Variants in PLEKHG1 observed in about 807,000 individuals in gnomAD.
The protein encoded by PLEKHG1 is pleckstrin homology and RhoGEF domain containing G1.
A neutral mutation model predicts 100.8 loss-of-function variants in PLEKHG1; 44 were observed. That is an observed-to-expected ratio of 0.44 (90% CI 0.34 to 0.56). The LOEUF (loss-of-function observed/expected upper bound fraction) is 0.56, where lower values mean the gene tolerates loss of function less well. Ranked by LOEUF, PLEKHG1 falls within the 20% of genes least tolerant of loss-of-function variation. The pLI is 0.01. For missense variants in PLEKHG1, 1,545 were observed against 1,720.9 expected (o/e 0.90, Z 1.81); for synonymous variants, 640 against 662.5 (o/e 0.97, Z 0.52).
intron 3 of PLEKHG1, among the ~76,000 whole-genome samples, chr6:150,697,743 T>G (rs1345502703): frequency 6.6e-6 from 1 of 152,202 alleles, no homozygotes. Flanking sequence ...GACAGTCCCA[T>G]GCTGTGCAAA....
intron 2 of PLEKHG1, among the ~76,000 whole-genome samples, chr6:150,762,542 C>G (rs756532214): frequency 4.6e-5 from 7 of 152,044 alleles, no homozygotes; most frequent in Non-Finnish European, 8.8e-5. Context: ...CCTTCCTTCC[C>G]CCTGCCCAAA....
At chr6:150,640,578 C>T (rs1217007618) in intron 2 of PLEKHG1, among the ~76,000 whole-genome samples, 1 of 152,172 alleles carries the variant, frequency 6.6e-6, no homozygotes, top group Non-Finnish European at 1.5e-5. Context: ...ATCATCCGGA[C>T]TCTCCCACGC....
chr6:150,823,470 G>C (rs1456245748), intron 13 of PLEKHG1, among the ~76,000 whole-genome samples, 184 bp from the exon 15 acceptor site: 2 of 152,184 alleles, frequency 1.3e-5, no homozygotes, highest in Non-Finnish European at 2.9e-5. Context: ...GTTTGATGTA[G>C]TGTGGGGGTA....
chr6:150,679,800 T>G (rs1031139898), intron 3 of PLEKHG1, among the ~76,000 whole-genome samples: 5 of 152,168 alleles, frequency 3.3e-5, no homozygotes, highest in African/African-American at 1.2e-4. Flanking sequence ...TCATTGTAAT[T>G]ATAAATGCCA....
intron 1 of PLEKHG1, among the ~76,000 whole-genome samples, chr6:150,637,145 CTA>C (rs1380187937): frequency 6.6e-6 from 1 of 152,204 alleles, no homozygotes; most frequent in African/African-American, 2.4e-5. Context: ...TATAGCCAAA[CTA>C]TGAATATGTT....
intron 3 of PLEKHG1, among the ~76,000 whole-genome samples, chr6:150,695,838 A>T (rs1780522781): frequency 1.3e-5 from 2 of 152,218 alleles, no homozygotes; most frequent in Admixed American, 1.3e-4. Flanking sequence ...TCTTGTAACA[A>T]GATGGGCCCT....
chr6:150,697,831 T>C (rs1011766638), intron 3 of PLEKHG1, among the ~76,000 whole-genome samples: 7 of 152,230 alleles, frequency 4.6e-5, no homozygotes, highest in Admixed American at 4.6e-4. Flanking sequence ...CCCACATCAC[T>C]ACCTGCTTAA....
chr6:150,726,584 CT>C (rs1179837445), intron 1 of PLEKHG1, among the ~76,000 whole-genome samples: 1 of 152,136 alleles, frequency 6.6e-6, no homozygotes, highest in African/African-American at 2.4e-5. Flanking sequence ...ATTGTAGTAC[CT>C]TGTTTAAAAC....
chr6:150,693,379 C>T (rs1438980771), intron 3 of PLEKHG1, among the ~76,000 whole-genome samples: 1 of 152,208 alleles, frequency 6.6e-6, no homozygotes, highest in Non-Finnish European at 1.5e-5. Context: ...CTTTTGGCTT[C>T]TCTCTCTGAT....
chr6:150,780,138 T>TA (rs111433306), intron 3 of PLEKHG1, among the ~76,000 whole-genome samples: 1 of 42,302 alleles, frequency 2.4e-5, no homozygotes, highest in Non-Finnish European at 4.1e-5. Flanking sequence ...TTTTCTTTAA[T>TA]TTTTTTTTTT....
intron 1 of PLEKHG1, among the ~76,000 whole-genome samples, chr6:150,617,426 G>T (rs1777117479): frequency 6.6e-6 from 1 of 152,194 alleles, no homozygotes; most frequent in African/African-American, 2.4e-5. Flanking sequence ...AAAGTAAATT[G>T]ATGAGAAGTA....
intron 3 of PLEKHG1, among the ~76,000 whole-genome samples, chr6:150,691,415 G>C (rs1244682046): frequency 6.6e-6 from 1 of 152,152 alleles, no homozygotes; most frequent in Non-Finnish European, 1.5e-5. Flanking sequence ...GACAGAGCCT[G>C]GTTTTTATAT....
At chr6:150,695,888 A>G (rs11155746) in intron 3 of PLEKHG1, among the ~76,000 whole-genome samples, 5,695 of 152,286 alleles carry the variant, frequency 0.037, 330 homozygotes, top group African/African-American at 0.13. Flanking sequence ...AATAGCTGTG[A>G]AATGACTAAG....
chr6:150,779,344 G>GTTTGTTTTTTTT (rs1257363893), intron 3 of PLEKHG1, among the ~76,000 whole-genome samples: 3,158 of 103,926 alleles, frequency 0.03, 452 homozygotes, highest in African/African-American at 0.11. Context: ...TTGTCAAGAA[G>GTTTGTTTTTTTT]TTTTTTTTTT....
intron 2 of PLEKHG1, among the ~76,000 whole-genome samples, chr6:150,648,476 A>G (rs1398649546): frequency 6.6e-6 from 1 of 152,138 alleles, no homozygotes; most frequent in Non-Finnish European, 1.5e-5. Context: ...TGAAGATAAG[A>G]ATAAGTGTTG....
At chr6:150,645,387 C>T (rs2128570843) in intron 2 of PLEKHG1, among the ~76,000 whole-genome samples, 1 of 152,158 alleles carries the variant, frequency 6.6e-6, no homozygotes, top group African/African-American at 2.4e-5. Flanking sequence ...ATTTTCATGT[C>T]CTTGGGATAG....
chr6:150,725,449 C>T (rs1311674569), intron 1 of PLEKHG1, among the ~76,000 whole-genome samples: 1 of 152,192 alleles, frequency 6.6e-6, no homozygotes, highest in Non-Finnish European at 1.5e-5. Context: ...CTTTGTTCCT[C>T]TTCGTTCAAC....
chr6:150,732,115 C>A (rs1356621203), intron 1 of PLEKHG1, among the ~76,000 whole-genome samples: 1 of 152,086 alleles, frequency 6.6e-6, no homozygotes, highest in East Asian at 1.9e-4. Context: ...GCACCCGCCA[C>A]CACGCCTAGC....
chr6:150,788,433 T>C (rs990177537), intron 4 of PLEKHG1, among the ~76,000 whole-genome samples: 1 of 152,222 alleles, frequency 6.6e-6, no homozygotes. Context: ...CACTGGGGCC[T>C]GCACAGAGAT....
Sources: gnomAD v4.1 joint callset for allele counts (sites outside exome capture counted in the v4.1 genomes callset) on GRCh38, gnomAD v4.1.1 for gene constraint, MANE v1.5 for transcripts, NCBI Gene and HGNC (gene_info 2026-07-23, HGNC 2026-07-21) for gene names.